The following RSU1 variants were observed in gnomAD, a reference collection of about 807,000 sequenced individuals.
RSU1 encodes rsu-1.
RSU1 carries 26 observed loss-of-function variants against 31.1 expected under a neutral mutation model. The ratio of observed to expected loss-of-function variants is 0.84; its 90% confidence interval spans 0.61 to 1.16. The LOEUF is 1.16. RSU1 is among the 50% of genes most tolerant of loss of function. The pLI is 0.00. For missense variants in RSU1, 320 were observed against 339.1 expected, an observed-to-expected ratio of 0.94 and a Z score of 0.44; for synonymous variants, 164 against 136.3, an observed-to-expected ratio of 1.20 and a Z score of -1.41.
At chr10:16,657,428 T>A (rs2131522722) in intron 8 of RSU1, among the ~76,000 whole-genome samples, 1 of 152,124 alleles carries the variant, frequency 6.6e-6, no homozygotes, top group African/African-American at 2.4e-5. Context: ...TACTAAGAAT[T>A]TAAAGAACAA....
intron 2 of RSU1, among the ~76,000 whole-genome samples, chr10:16,785,372 A>G (rs1837753124): frequency 6.8e-6 from 1 of 146,210 alleles, no homozygotes; most frequent in Non-Finnish European, 1.5e-5. Context: ...AGTTAATACT[A>G]CTTAATAAAC....
intron 8 of RSU1, among the ~76,000 whole-genome samples, chr10:16,654,070 C>T (rs553383245): frequency 6.6e-6 from 1 of 151,940 alleles, no homozygotes; most frequent in African/African-American, 2.4e-5. Flanking sequence ...TGGTGTGATC[C>T]TGGCTCACTG....
At chr10:16,804,223 G>A (rs764189102) in intron 2 of RSU1, among the ~76,000 whole-genome samples, 9 of 152,092 alleles carry the variant, frequency 5.9e-5, no homozygotes, top group Non-Finnish European at 1.2e-4. Flanking sequence ...AAAGATGCTC[G>A]GCATCATATG....
intron 8 of RSU1, among the ~76,000 whole-genome samples, chr10:16,672,698 C>T (rs1049253928): frequency 3.3e-5 from 5 of 151,738 alleles, no homozygotes; most frequent in Non-Finnish European, 7.4e-5. Flanking sequence ...GAAAGTAGGT[C>T]AGTGGTTGCC....
intron 3 of RSU1, among the ~76,000 whole-genome samples, chr10:16,766,826 C>A (rs532281934): frequency 1.3e-5 from 2 of 150,004 alleles, no homozygotes; most frequent in African/African-American, 2.5e-5. Context: ...CCAGCCTGGC[C>A]GACGTGGTGA....
chr10:16,809,905 A>G (rs1838366395), intron 2 of RSU1, among the ~76,000 whole-genome samples: 1 of 149,210 alleles, frequency 6.7e-6, no homozygotes, highest in Admixed American at 6.8e-5. Context: ...ACAAACAATA[A>G]TTTCTCAGTA....
At chr10:16,752,494 T>C in intron 7 of RSU1, 45 bp downstream of exon 7, 3 of 1,401,700 alleles carry the variant, frequency 2.1e-6, no homozygotes, top group Non-Finnish European at 3.0e-6. Flanking sequence ...AGGATAATTG[T>C]TATTCATGAA....
intron 7 of RSU1, among the ~76,000 whole-genome samples, chr10:16,699,812 G>C (rs1835751257): frequency 6.6e-6 from 1 of 152,214 alleles, no homozygotes; most frequent in African/African-American, 2.4e-5. Context: ...GATTAGCAGT[G>C]ACCCTCTGAC....
chr10:16,753,953 G>T (rs1036919801), intron 5 of RSU1, among the ~76,000 whole-genome samples: 1 of 151,994 alleles, frequency 6.6e-6, no homozygotes, highest in African/African-American at 2.4e-5. Context: ...TAGAGACAGG[G>T]TCTCTCTATG....
intron 8 of RSU1, among the ~76,000 whole-genome samples, chr10:16,606,116 C>A (rs543204985): frequency 6.6e-6 from 1 of 152,258 alleles, no homozygotes; most frequent in South Asian, 2.1e-4. Flanking sequence ...CTTCGTGAGG[C>A]CTTCTGGGAG....
intron 2 of RSU1, among the ~76,000 whole-genome samples, chr10:16,796,453 A>C (rs1243945024): frequency 6.6e-6 from 1 of 152,072 alleles, no homozygotes; most frequent in African/African-American, 2.4e-5. Context: ...ATCTGCCATC[A>C]ATGACACCCA....
At chr10:16,721,249 C>A (rs185785918) in intron 7 of RSU1, 1 of 152,236 alleles carries the variant, frequency 6.6e-6, no homozygotes, top group African/African-American at 2.4e-5. Flanking sequence ...GATGCTTAAC[C>A]AGATCATAGT....
intron 8 of RSU1, among the ~76,000 whole-genome samples, chr10:16,596,198 A>C (rs1488233532): frequency 6.6e-6 from 1 of 152,100 alleles, no homozygotes; most frequent in African/African-American, 2.4e-5. Context: ...ACCTGTGTTC[A>C]AGTCCTGAAA....
chr10:16,727,043 AG>A (rs1486170654), intron 7 of RSU1: 6 of 456,504 alleles, frequency 1.3e-5, no homozygotes, highest in South Asian at 9.3e-5. Flanking sequence ...GAAGTTAATG[AG>A]GGAAGAGTTT....
intron 8 of RSU1, among the ~76,000 whole-genome samples, chr10:16,667,022 G>A (rs1212806908): frequency 2.7e-5 from 4 of 145,704 alleles, no homozygotes; most frequent in Admixed American, 2.1e-4. Context: ...CCAAAACAAA[G>A]CAAAACAAAC....
intron 7 of RSU1, among the ~76,000 whole-genome samples, chr10:16,729,594 G>C (rs1009623627): frequency 6.6e-6 from 1 of 152,158 alleles, no homozygotes; most frequent in Non-Finnish European, 1.5e-5. Flanking sequence ...AACCACAAAG[G>C]CATGAAAAGA....
At chr10:16,679,117 A>G (rs978891327) in intron 8 of RSU1, among the ~76,000 whole-genome samples, 1 of 152,230 alleles carries the variant, frequency 6.6e-6, no homozygotes, top group Non-Finnish European at 1.5e-5. Context: ...TAATGTTTCC[A>G]GTACTTTTTA....
chr10:16,796,912 G>T (rs1838048879), intron 2 of RSU1, among the ~76,000 whole-genome samples: 1 of 152,166 alleles, frequency 6.6e-6, no homozygotes, highest in Non-Finnish European at 1.5e-5. Context: ...CCAAAGATTG[G>T]CATGATATCA....
At chr10:16,749,483 A>G (rs979761553) in intron 7 of RSU1, among the ~76,000 whole-genome samples, 5 of 152,324 alleles carry the variant, frequency 3.3e-5, no homozygotes, top group African/African-American at 1.2e-4. Flanking sequence ...ATATACAGCG[A>G]GAGATCATCA....
Sources: allele counts gnomAD v4.1 joint callset (sites outside exome capture counted in the v4.1 genomes callset), GRCh38; gene constraint gnomAD v4.1.1; transcripts MANE v1.5; gene names NCBI Gene and HGNC (gene_info 2026-07-23, HGNC 2026-07-21).